Variants in NRG3 observed in about 807,000 individuals in gnomAD.
NRG3 encodes the protein pro-neuregulin-3, membrane-bound isoform.
A neutral mutation model predicts 66.9 loss-of-function variants in NRG3; 31 were observed. That is an observed-to-expected ratio of 0.46 (90% CI 0.35 to 0.63). The LOEUF is 0.63. Ranked by LOEUF, NRG3 falls within the 20% of genes least tolerant of loss-of-function variation. NRG3 has a pLI of 0.00. For missense variants in NRG3, 910 were observed against 878.9 expected, an observed-to-expected ratio of 1.04 and a Z score of -0.45; for synonymous variants, 393 against 359.4, an observed-to-expected ratio of 1.09 and a Z score of -1.06.
intron 2 of NRG3, among the ~76,000 whole-genome samples, chr10:82,537,408 T>C (rs558413208): frequency 1.3e-5 from 2 of 152,238 alleles, no homozygotes; most frequent in Admixed American, 6.5e-5. Context: ...CAATGGTGAC[T>C]TTCGCACCTT....
At chr10:82,778,272 A>G (rs1374558548) in intron 3 of NRG3, among the ~76,000 whole-genome samples, 1 of 152,200 alleles carries the variant, frequency 6.6e-6, no homozygotes, top group Non-Finnish European at 1.5e-5. Context: ...GAGGGACAGG[A>G]CACTGGGTTG....
intron 2 of NRG3, among the ~76,000 whole-genome samples, chr10:82,479,461 G>A (rs1188470569): frequency 6.6e-6 from 1 of 150,546 alleles, no homozygotes; most frequent in Non-Finnish European, 1.5e-5. Context: ...CACCTTGGGA[G>A]ACAGAGGTGG....
chr10:82,336,134 C>T (rs1191340021), intron 1 of NRG3, among the ~76,000 whole-genome samples: 1 of 152,006 alleles, frequency 6.6e-6, no homozygotes, highest in East Asian at 1.9e-4. Context: ...TCTACATGAA[C>T]TAAATCTGAT....
chr10:82,646,874 G>A (rs2050974384), intron 2 of NRG3, among the ~76,000 whole-genome samples: 1 of 151,752 alleles, frequency 6.6e-6, no homozygotes, highest in African/African-American at 2.4e-5. Context: ...TTGGAACAAG[G>A]TGCCCACCAA....
chr10:82,736,305 T>G (rs376524007), intron 2 of NRG3, among the ~76,000 whole-genome samples: 4 of 152,222 alleles, frequency 2.6e-5, no homozygotes, highest in African/African-American at 9.6e-5. Flanking sequence ...GTAAATTCAA[T>G]CCACTTCACT....
intron 2 of NRG3, among the ~76,000 whole-genome samples, chr10:82,676,731 C>A (rs1422195932): frequency 6.6e-6 from 1 of 152,136 alleles, no homozygotes; most frequent in Admixed American, 6.5e-5. Flanking sequence ...TATCTGCCCC[C>A]CTCGGCCTCC....
chr10:82,921,940 C>G (rs1458639026), intron 4 of NRG3, among the ~76,000 whole-genome samples: 4 of 151,988 alleles, frequency 2.6e-5, no homozygotes, highest in Non-Finnish European at 5.9e-5. Context: ...TTTTGAGATT[C>G]TTATTTAAAG....
At chr10:82,413,084 C>A (rs58656180) in intron 2 of NRG3, among the ~76,000 whole-genome samples, 3,871 of 152,170 alleles carry the variant, frequency 0.025, 146 homozygotes, top group African/African-American at 0.088. Context: ...ACTATAGATC[C>A]TTAATAGTCT....
chr10:82,763,700 A>G (rs1364919163), intron 3 of NRG3, among the ~76,000 whole-genome samples: 1 of 152,114 alleles, frequency 6.6e-6, no homozygotes, highest in Non-Finnish European at 1.5e-5. Flanking sequence ...AAATCTTCAT[A>G]CAAAAATCAT....
At chr10:82,739,578 C>T (rs342364) in intron 3 of NRG3, among the ~76,000 whole-genome samples, 84,362 of 152,006 alleles carry the variant, frequency 0.55, 23,922 homozygotes, top group Admixed American at 0.61. Context: ...AGGCATCTTC[C>T]AACATCTTTT....
chr10:82,067,563 G>A (rs915182243), intron 1 of NRG3, among the ~76,000 whole-genome samples: 2 of 152,170 alleles, frequency 1.3e-5, no homozygotes, highest in Admixed American at 1.3e-4. Flanking sequence ...GGCCAGGCTG[G>A]TCTCAAACTG....
Position 82,543,094 on chromosome 10 carries a change from G to A in NRG3, c.953+184226G>A, listed in dbSNP as rs572581547. 1.5e-4 allele frequency among the ~76,000 whole-genome samples: 23 copies of A among 152,154 alleles called. No individual in the cohort carries two copies. The South Asian group carries it at 4.4e-3, about 29-fold the overall frequency. ...TTTAGTAGAGACAGGGTTTCACCAT[G>A]TTGGCCAGGCTGGTCTTGAACTCCT... On this transcript the variant is annotated intron_variant, in intron 2 of 8. Coordinates refer to ENST00000372141, the MANE Select transcript of NRG3 (RefSeq NM_001010848.4).
chr10:82,471,280 C>G (rs1489548528), intron 2 of NRG3, among the ~76,000 whole-genome samples: 1 of 152,120 alleles, frequency 6.6e-6, no homozygotes, highest in Non-Finnish European at 1.5e-5. Flanking sequence ...CCAGGCGCCT[C>G]TCCCCTACAA....
intron 2 of NRG3, among the ~76,000 whole-genome samples, chr10:82,535,673 C>A (rs535718915): frequency 6.6e-6 from 1 of 152,210 alleles, no homozygotes; most frequent in East Asian, 1.9e-4. Context: ...TATGAGAGAT[C>A]ACAGATTTTG....
intron 2 of NRG3, among the ~76,000 whole-genome samples, chr10:82,639,085 TTATG>T (rs1220681151): frequency 1.3e-5 from 2 of 152,206 alleles, no homozygotes; most frequent in Non-Finnish European, 2.9e-5. Context: ...CAGTGTCTCT[TTATG>T]TATGAAGGCT....
intron 4 of NRG3, among the ~76,000 whole-genome samples, chr10:82,937,940 C>T (rs922559570): frequency 6.6e-5 from 10 of 152,082 alleles, no homozygotes; most frequent in African/African-American, 2.4e-4. Context: ...GTCTCATATA[C>T]GGTAAGTCTC....
At chr10:82,904,026 C>T (rs192806475) in intron 4 of NRG3, among the ~76,000 whole-genome samples, 17 of 152,202 alleles carry the variant, frequency 1.1e-4, no homozygotes, top group Admixed American at 7.2e-4. Context: ...ACATTATCAG[C>T]TTGTATTTTA....
At chr10:82,466,926 A>G (rs1459971754) in intron 2 of NRG3, among the ~76,000 whole-genome samples, 1 of 152,094 alleles carries the variant, frequency 6.6e-6, no homozygotes, top group Non-Finnish European at 1.5e-5. Flanking sequence ...AAAAAAAAAA[A>G]AACAAAACAT....
At chr10:82,332,617 A>G (rs2082191603) in intron 1 of NRG3, among the ~76,000 whole-genome samples, 2 of 152,180 alleles carry the variant, frequency 1.3e-5, no homozygotes, top group African/African-American at 4.8e-5. Context: ...AATGATAACT[A>G]GGCTTTGGTG....
Sources: allele counts gnomAD v4.1 joint callset (sites outside exome capture counted in the v4.1 genomes callset), GRCh38; gene constraint gnomAD v4.1.1; transcripts MANE v1.5; gene names NCBI Gene and HGNC (gene_info 2026-07-23, HGNC 2026-07-21).